NRXN1: variants seen among roughly 807,000 people sequenced by gnomAD.
NRXN1 encodes neurexin-1.
A neutral mutation model predicts 150.9 loss-of-function variants in NRXN1; 39 were observed. The observed-to-expected ratio is 0.26, with a 90% CI of 0.20 to 0.34. The LOEUF is 0.34. Ranked by LOEUF, NRXN1 falls within the 10% of genes least tolerant of loss-of-function variation. The probability of loss-of-function intolerance (pLI) is 1.00; values close to 1 mark genes in which losing one functional copy is unlikely to be tolerated. For missense variants in NRXN1, 1,815 were observed against 1,949.9 expected (o/e 0.93, Z 1.30); for synonymous variants, 924 against 757.0 (o/e 1.22, Z -3.62).
intron 5 of NRXN1, among the ~76,000 whole-genome samples, chr2:50,892,694 A>G (rs188923704): frequency 1.3e-5 from 2 of 152,312 alleles, no homozygotes; most frequent in East Asian, 3.9e-4. Context: ...TTGGCCAATA[A>G]TATAAACATT....
intron 12 of NRXN1, among the ~76,000 whole-genome samples, chr2:50,513,282 T>G (rs1192811699): frequency 6.6e-6 from 1 of 152,186 alleles, no homozygotes; most frequent in Admixed American, 6.5e-5. Flanking sequence ...GATCTACCAT[T>G]AAAAAATGGT....
At chr2:50,428,605 T>C (rs1195867669) in intron 17 of NRXN1, among the ~76,000 whole-genome samples, 1 of 152,318 alleles carries the variant, frequency 6.6e-6, no homozygotes, top group South Asian at 2.1e-4. Context: ...ACATACCTTA[T>C]GATTAGAGGC....
intron 21 of NRXN1, among the ~76,000 whole-genome samples, chr2:50,029,450 G>T (rs1313103289): frequency 6.6e-6 from 1 of 152,134 alleles, no homozygotes; most frequent in African/African-American, 2.4e-5. Flanking sequence ...TCTTTAGGAG[G>T]TAGTTAAGAT....
At chr2:49,995,227 A>G (rs558277770) in intron 21 of NRXN1, among the ~76,000 whole-genome samples, 32 of 152,338 alleles carry the variant, frequency 2.1e-4, no homozygotes, top group African/African-American at 7.2e-4. Context: ...GGTAACTTGT[A>G]ATTTCTTCCA....
intron 18 of NRXN1, among the ~76,000 whole-genome samples, chr2:50,202,803 G>C (rs565807714): frequency 6.6e-6 from 1 of 152,104 alleles, no homozygotes; most frequent in African/African-American, 2.4e-5. Context: ...AGAGAGGAGG[G>C]TTTGAAAATT....
At chr2:50,919,427 A>G (rs1395933620) in intron 5 of NRXN1, 6 of 151,802 alleles carry the variant, frequency 4.0e-5, no homozygotes, top group African/African-American at 1.4e-4. Context: ...AAACAGTTAG[A>G]AAATATTTAA....
intron 2 of NRXN1, among the ~76,000 whole-genome samples, chr2:51,019,038 G>T (rs765509217): frequency 1.3e-5 from 2 of 152,062 alleles, no homozygotes; most frequent in Non-Finnish European, 2.9e-5. Context: ...GTAAGAGTCT[G>T]CCACAACCCT....
intron 21 of NRXN1, among the ~76,000 whole-genome samples, chr2:49,948,385 T>C (rs1451908957): frequency 6.6e-6 from 1 of 152,038 alleles, no homozygotes; most frequent in Non-Finnish European, 1.5e-5. Context: ...CCTCTTACAG[T>C]AGAAAAAAAT....
At chr2:50,538,039 A>G (rs1040395053) in intron 10 of NRXN1, among the ~76,000 whole-genome samples, 14 of 152,188 alleles carry the variant, frequency 9.2e-5, no homozygotes, top group Non-Finnish European at 2.1e-4. Context: ...TATTCCTGCA[A>G]TATACTTAAG....
intron 5 of NRXN1, among the ~76,000 whole-genome samples, chr2:50,866,030 C>T (rs183497722): frequency 1.3e-5 from 2 of 151,718 alleles, no homozygotes; most frequent in Admixed American, 6.6e-5. Context: ...TTTTTTCTTT[C>T]CTAATACCAG....
intron 5 of NRXN1, among the ~76,000 whole-genome samples, chr2:50,709,886 T>A (rs542860202): frequency 6.6e-6 from 1 of 152,280 alleles, no homozygotes; most frequent in African/African-American, 2.4e-5. Flanking sequence ...TATCAAGAAT[T>A]CAATTAGAAT....
intron 5 of NRXN1, among the ~76,000 whole-genome samples, chr2:50,626,058 A>C (rs1680976102): frequency 6.6e-6 from 1 of 152,062 alleles, no homozygotes; most frequent in African/African-American, 2.4e-5. Context: ...GTATATGAAC[A>C]TTGTAAAGAT....
At chr2:50,582,864 C>T (rs890326774) in intron 8 of NRXN1, among the ~76,000 whole-genome samples, 1 of 152,106 alleles carries the variant, frequency 6.6e-6, no homozygotes, top group Non-Finnish European at 1.5e-5. Context: ...GAACCAGTCC[C>T]ACGTACCTTA....
chr2:50,331,689 C>A (rs1431994439), intron 17 of NRXN1, among the ~76,000 whole-genome samples: 2 of 152,172 alleles, frequency 1.3e-5, no homozygotes, highest in Non-Finnish European at 2.9e-5. Flanking sequence ...TTTTAGGTAA[C>A]TTCCAACACC....
chr2:50,454,449 C>T (rs573300330), intron 17 of NRXN1, among the ~76,000 whole-genome samples: 11 of 152,090 alleles, frequency 7.2e-5, no homozygotes, highest in African/African-American at 2.4e-4. Context: ...GATATGTATA[C>T]GTGCCCATGA....
intron 17 of NRXN1, among the ~76,000 whole-genome samples, chr2:50,329,607 GTGTGTGTGTGTATATATATA>G (rs2076632779): frequency 3.9e-5 from 1 of 25,924 alleles, no homozygotes; most frequent in African/African-American, 1.4e-4. Flanking sequence ...GTGTGTGTGT[GTGTGTGTGTGTATATATATA>G]TATATATATA....
intron 8 of NRXN1, among the ~76,000 whole-genome samples, chr2:50,575,986 C>T (rs1369770097): frequency 6.6e-6 from 1 of 151,986 alleles, no homozygotes; most frequent in Non-Finnish European, 1.5e-5. Context: ...TAAAGCCAAC[C>T]TAGGATCTTT....
intron 5 of NRXN1, among the ~76,000 whole-genome samples, chr2:50,902,075 A>G (rs1367542634): frequency 6.6e-6 from 1 of 152,154 alleles, no homozygotes. Flanking sequence ...GAGTGTAATA[A>G]TGTACTATTT....
At chr2:50,614,200 G>C (rs1678658988) in intron 8 of NRXN1, among the ~76,000 whole-genome samples, 1 of 152,096 alleles carries the variant, frequency 6.6e-6, no homozygotes, top group South Asian at 2.1e-4. Flanking sequence ...GAAAAGTCTA[G>C]AGGAAATGAA....
Sources: gnomAD v4.1 joint callset for allele counts (sites outside exome capture counted in the v4.1 genomes callset) on GRCh38, gnomAD v4.1.1 for gene constraint, MANE v1.5 for transcripts, NCBI Gene and HGNC (gene_info 2026-07-23, HGNC 2026-07-21) for gene names.